The following LDLRAD3 variants were observed in gnomAD, a reference collection of about 807,000 sequenced individuals.
The protein encoded by LDLRAD3 is low-density lipoprotein receptor class A domain-containing protein 3.
LDLRAD3 carries 20 observed loss-of-function variants against 29.4 expected under a neutral mutation model. The ratio of observed to expected loss-of-function variants is 0.68; its 90% CI spans 0.48 to 0.99. The LOEUF (loss-of-function observed/expected upper bound fraction) is 0.99. Ranked by LOEUF, LDLRAD3 falls within the 50% of genes least tolerant of loss-of-function variation. The pLI, the probability that LDLRAD3 is intolerant of heterozygous loss-of-function variation, is 0.00. For synonymous variants in LDLRAD3, 157 were observed against 192.7 expected (o/e 0.81, Z 1.53); for missense variants, 420 against 454.3 (o/e 0.92, Z 0.69).
chr11:36,064,473 T>C (rs1356022871), intron 2 of LDLRAD3, among the ~76,000 whole-genome samples: 3 of 141,976 alleles, frequency 2.1e-5, no homozygotes, highest in Non-Finnish European at 4.6e-5. Flanking sequence ...CACACCTGGC[T>C]AATTAATTTT....
At chr11:36,081,113 G>T (rs930293615) in intron 2 of LDLRAD3, among the ~76,000 whole-genome samples, 2 of 152,202 alleles carry the variant, frequency 1.3e-5, no homozygotes, top group African/African-American at 2.4e-5. Flanking sequence ...AGCCAAGGAA[G>T]AGCCAACCTT....
intron 4 of LDLRAD3, among the ~76,000 whole-genome samples, chr11:36,144,080 C>A (rs1383492116): frequency 1.3e-5 from 2 of 152,076 alleles, no homozygotes; most frequent in Non-Finnish European, 2.9e-5. Context: ...AGGCGCGCGC[C>A]ACCACGCCTG....
Position 36,036,265 on chromosome 11 carries a change from C to T in LDLRAD3, c.193+16C>T. 6.2e-7 allele frequency: 1 copy of T among 1,613,810 alleles called. No individual in the cohort carries two copies. The highest frequency in any genetic ancestry group is 1.7e-5 in the Admixed American group (1 of 60,014). ...AAGGAGTGCCGTGAGTGGCCTGGCC[C>T]TTTGCTGGGGTGGGGTGGCAGCCAT... On this transcript the variant is annotated intron_variant, in intron 2 of 5. Coordinates refer to ENST00000315571, the MANE Select transcript of LDLRAD3 (RefSeq NM_174902.4).
At chr11:36,125,857 G>A (rs543145682) in intron 4 of LDLRAD3, among the ~76,000 whole-genome samples, 96 of 152,264 alleles carry the variant, frequency 6.3e-4, no homozygotes, top group African/African-American at 2.3e-3. Context: ...TGGCTGGTAG[G>A]CTCTATGGTC....
At chr11:36,047,879 A>G (rs1717130747) in intron 2 of LDLRAD3, among the ~76,000 whole-genome samples, 2 of 152,330 alleles carry the variant, frequency 1.3e-5, no homozygotes, top group Admixed American at 1.3e-4. Flanking sequence ...TCTTCCTGGC[A>G]GTGTGGAGAT....
At chr11:36,190,942 C>A (rs1223210960) in intron 4 of LDLRAD3, among the ~76,000 whole-genome samples, 1 of 152,164 alleles carries the variant, frequency 6.6e-6, no homozygotes, top group African/African-American at 2.4e-5. Context: ...TGAAACAAAT[C>A]GTTTCAACTC....
intron 4 of LDLRAD3, among the ~76,000 whole-genome samples, chr11:36,201,444 T>G (rs570766168): frequency 1.3e-5 from 2 of 152,372 alleles, no homozygotes; most frequent in African/African-American, 2.4e-5. Context: ...GGGATTTTTT[T>G]GTTGTGGGTT....
intron 1 of LDLRAD3, among the ~76,000 whole-genome samples, chr11:36,029,106 G>A (rs1331538941): frequency 1.3e-5 from 2 of 152,134 alleles, no homozygotes; most frequent in Non-Finnish European, 2.9e-5. Flanking sequence ...TTAGCTGGGT[G>A]TGGTGGTACA....
At chr11:36,159,301 ATATAAAAAT>A (rs1854400611) in intron 4 of LDLRAD3, among the ~76,000 whole-genome samples, 2 of 151,534 alleles carry the variant, frequency 1.3e-5, no homozygotes, top group Non-Finnish European at 2.9e-5. Flanking sequence ...ACCCCCATCT[ATATAAAAAT>A]TTTAAAAAAC....
chr11:36,141,667 G>A (rs1315567589), intron 4 of LDLRAD3, among the ~76,000 whole-genome samples: 2 of 152,176 alleles, frequency 1.3e-5, no homozygotes, highest in Non-Finnish European at 2.9e-5. Flanking sequence ...AGGGATGTAC[G>A]CTAACCCATA....
chr11:36,070,617 G>T (rs553389314), intron 2 of LDLRAD3, among the ~76,000 whole-genome samples: 6 of 152,242 alleles, frequency 3.9e-5, no homozygotes, highest in Admixed American at 6.5e-5. Context: ...TTGCTCTGTG[G>T]GTATAAGAAG....
At chr11:36,141,762 G>C (rs1035590917) in intron 4 of LDLRAD3, among the ~76,000 whole-genome samples, 1 of 152,190 alleles carries the variant, frequency 6.6e-6, no homozygotes, top group African/African-American at 2.4e-5. Context: ...AGACAAGCAG[G>C]CTCTGAATGG....
chr11:36,214,484 A>T (rs1855326010), intron 4 of LDLRAD3, among the ~76,000 whole-genome samples: 1 of 152,238 alleles, frequency 6.6e-6, no homozygotes, highest in Non-Finnish European at 1.5e-5. Flanking sequence ...TTCTAGAAGG[A>T]TGAGACTGTT....
At chr11:35,960,965 C>G (rs1851270089) in intron 1 of LDLRAD3, among the ~76,000 whole-genome samples, 1 of 152,224 alleles carries the variant, frequency 6.6e-6, no homozygotes, top group South Asian at 2.1e-4. Flanking sequence ...GGCCTGTTCC[C>G]TCATCTCCCG....
chr11:36,176,530 G>T (rs1435562374), intron 4 of LDLRAD3, among the ~76,000 whole-genome samples: 1 of 151,714 alleles, frequency 6.6e-6, no homozygotes, highest in Admixed American at 6.6e-5. Context: ...AATTGTCTCA[G>T]CATTTCTTTG....
intron 2 of LDLRAD3, among the ~76,000 whole-genome samples, chr11:36,058,306 C>A (rs1467988083): frequency 6.6e-6 from 1 of 152,162 alleles, no homozygotes; most frequent in African/African-American, 2.4e-5. Flanking sequence ...CACACCACTT[C>A]CCCCAGAAGC....
chr11:36,085,472 A>G lies in LDLRAD3; in HGVS notation c.319+3694A>G, dbSNP rs1415813523. Among the ~76,000 whole-genome samples, 6 of 151,308 alleles carry G rather than the reference A, an allele frequency of 4.0e-5. No homozygotes were observed. In the East Asian group the frequency reaches 1.2e-3, roughly 29 times the overall value. ...AATCTGTAGGTTTTTGTCTTTTGCT[A>G]TACATGTTCAGCTATTATTTCTTCA... On this transcript the variant is annotated intron_variant, in intron 3 of 5. Transcript: ENST00000315571.
chr11:36,087,379 A>C (rs1853211822), intron 3 of LDLRAD3, among the ~76,000 whole-genome samples: 1 of 152,234 alleles, frequency 6.6e-6, no homozygotes, highest in African/African-American at 2.4e-5. Flanking sequence ...AATATAGTGA[A>C]GTATATAAAG....
chr11:36,092,769 GA>G (rs1853302609), intron 3 of LDLRAD3, among the ~76,000 whole-genome samples: 1 of 152,218 alleles, frequency 6.6e-6, no homozygotes, highest in African/African-American at 2.4e-5. Context: ...TACGTAAATG[GA>G]GAAGCCATAG....
Sources: gnomAD v4.1 joint callset for allele counts (sites outside exome capture counted in the v4.1 genomes callset) on GRCh38, gnomAD v4.1.1 for gene constraint, MANE v1.5 for transcripts, NCBI Gene and HGNC (gene_info 2026-07-23, HGNC 2026-07-21) for gene names.